The following ACOXL variants were observed in gnomAD, a reference collection of about 807,000 sequenced individuals.
ACOXL encodes acyl-coenzyme A oxidase-like protein.
ACOXL carries 70 observed loss-of-function variants against 71.9 expected under a neutral mutation model. The ratio of observed to expected loss-of-function variants is 0.97; its 90% confidence interval spans 0.80 to 1.19. The LOEUF (loss-of-function observed/expected upper bound fraction) is 1.19, where lower values mean the gene tolerates loss of function less well. ACOXL is among the 50% of genes most tolerant of loss of function. The pLI, the probability that ACOXL is intolerant of heterozygous loss-of-function variation, is 0.00. For missense variants in ACOXL, 703 were observed against 736.3 expected, an observed-to-expected ratio of 0.95 and a Z score of 0.52; for synonymous variants, 253 against 281.6, an observed-to-expected ratio of 0.90 and a Z score of 1.02.
At chr2:110,864,208 C>A (rs1694287378) in intron 10 of ACOXL, among the ~76,000 whole-genome samples, 2 of 152,184 alleles carry the variant, frequency 1.3e-5, no homozygotes, top group Non-Finnish European at 2.9e-5. Context: ...CAAATCTGTT[C>A]TTTCCCAGAG....
intron 13 of ACOXL, 45 bp from the exon 14 acceptor site, chr2:110,995,847 TG>T (rs2063373066): frequency 6.8e-7 from 1 of 1,473,268 alleles, no homozygotes; most frequent in African/African-American, 1.4e-5. Flanking sequence ...ATGAAATTCT[TG>T]GTGAGGCCAA....
At chr2:110,902,371 G>A (rs2059274533) in intron 10 of ACOXL, among the ~76,000 whole-genome samples, 1 of 152,212 alleles carries the variant, frequency 6.6e-6, no homozygotes, top group African/African-American at 2.4e-5. Flanking sequence ...TCGAGAGGCT[G>A]AGGCAGGAGA....
chr2:111,077,950 G>T (rs1291955752), intron 16 of ACOXL, among the ~76,000 whole-genome samples: 1 of 152,104 alleles, frequency 6.6e-6, no homozygotes, highest in Non-Finnish European at 1.5e-5. Context: ...CACATTTGTG[G>T]GGTTTTGCCA....
chr2:111,077,031 C>G (rs2067636859), intron 16 of ACOXL, among the ~76,000 whole-genome samples: 1 of 152,164 alleles, frequency 6.6e-6, no homozygotes, highest in African/African-American at 2.4e-5. Flanking sequence ...TTTTAAGAAT[C>G]TTAACTACAC....
At chr2:110,798,505 C>G in intron 5 of ACOXL, 105 bp from the exon 6 acceptor site, 1 of 854,844 alleles carries the variant, frequency 1.2e-6, no homozygotes, top group Admixed American at 1.8e-5. Context: ...ATCCACCCAC[C>G]TCGGCCCCCC....
chr2:110,968,365 A>G (rs2062024732), intron 12 of ACOXL: 2 of 1,147,446 alleles, frequency 1.7e-6, no homozygotes, highest in African/African-American at 3.0e-5. Context: ...TCATAGTACC[A>G]GATGATTCCC....
At chr2:110,955,429 C>CCTCTCT (rs71383893) in intron 12 of ACOXL, among the ~76,000 whole-genome samples, 21 of 141,032 alleles carry the variant, frequency 1.5e-4, no homozygotes, top group African/African-American at 5.6e-4. Flanking sequence ...AGTCCACCTC[C>CCTCTCT]CTCTCTCTCT....
chr2:110,767,535 A>G (rs542105751), intron 1 of ACOXL, among the ~76,000 whole-genome samples: 4 of 152,332 alleles, frequency 2.6e-5, no homozygotes, highest in Non-Finnish European at 5.9e-5. Flanking sequence ...GTGAGGCTCA[A>G]CCATCAGCTA....
At chr2:110,886,374 C>CTTT (rs1181424480) in intron 10 of ACOXL, among the ~76,000 whole-genome samples, 2 of 127,084 alleles carry the variant, frequency 1.6e-5, no homozygotes, top group African/African-American at 2.8e-5. Context: ...CCCTATCCTT[C>CTTT]TTTTTCTTTT....
At chr2:111,073,555 G>A (rs2067445015) in intron 16 of ACOXL, among the ~76,000 whole-genome samples, 1 of 151,954 alleles carries the variant, frequency 6.6e-6, no homozygotes, top group Non-Finnish European at 1.5e-5. Context: ...GCATCTTTGT[G>A]AAAAAATATT....
chr2:110,979,011 G>A (rs1305917972), intron 12 of ACOXL, among the ~76,000 whole-genome samples: 2 of 152,144 alleles, frequency 1.3e-5, no homozygotes. Context: ...GAGGAGGCTT[G>A]CTGGAAATGA....
intron 9 of ACOXL, among the ~76,000 whole-genome samples, chr2:110,816,485 A>G (rs1360971810): frequency 6.6e-6 from 1 of 152,168 alleles, no homozygotes; most frequent in Non-Finnish European, 1.5e-5. Context: ...GATCTTTTGG[A>G]CTTGTGCACC....
At chr2:110,971,704 T>C (rs1046677029) in intron 12 of ACOXL, among the ~76,000 whole-genome samples, 17 of 152,228 alleles carry the variant, frequency 1.1e-4, no homozygotes, top group African/African-American at 4.1e-4. Context: ...TAGCAATATC[T>C]ATAGGAGAGT....
At chr2:110,769,968 A>G (rs908901779) in intron 2 of ACOXL, among the ~76,000 whole-genome samples, 5 of 151,630 alleles carry the variant, frequency 3.3e-5, no homozygotes, top group Non-Finnish European at 5.9e-5. Context: ...TTGAGGCTCC[A>G]GAGGTCGAGG....
chr2:110,960,844 T>G (rs947321426), intron 12 of ACOXL, among the ~76,000 whole-genome samples: 3 of 152,200 alleles, frequency 2.0e-5, no homozygotes, highest in Non-Finnish European at 4.4e-5. Context: ...GCCTCAAGTG[T>G]AGAATTTAAG....
intron 10 of ACOXL, among the ~76,000 whole-genome samples, chr2:110,892,496 C>A (rs1037991196): frequency 7.2e-5 from 11 of 152,226 alleles, no homozygotes; most frequent in South Asian, 2.1e-4. Context: ...AAATGGCGCT[C>A]AACCACTGGG....
At chr2:110,766,817 T>C (rs1394836506) in intron 1 of ACOXL, among the ~76,000 whole-genome samples, 3 of 152,184 alleles carry the variant, frequency 2.0e-5, no homozygotes, top group South Asian at 2.1e-4. Context: ...CCACTAATGC[T>C]ACCCTGGCAC....
Position 110,920,105 on chromosome 2 carries a change from G to A in ACOXL, c.905+11200G>A, listed in dbSNP as rs574446890. On this transcript the variant is annotated intron_variant, in intron 11 of 17. Coordinates refer to ENST00000439055, the MANE Select transcript of ACOXL (RefSeq NM_001142807.4). ...CTTGTAAGTAGGACTGGTAGGTCAA[G>A]TGGTAAGTGTATGTTTAACTTTATA... Among the ~76,000 whole-genome samples the A allele has an allele frequency of 6.5e-4, 99 of 152,334 alleles. 2 individuals are homozygous for A. The highest frequency in any genetic ancestry group is 2.3e-3 in the African/African-American group (97 of 41,572).
At chr2:110,796,771 A>G (rs1044056406) in intron 5 of ACOXL, among the ~76,000 whole-genome samples, 7 of 152,206 alleles carry the variant, frequency 4.6e-5, no homozygotes, top group African/African-American at 1.7e-4. Flanking sequence ...CATCTCTTAA[A>G]AAGATCCAGC....
Sources: gnomAD v4.1 joint callset for allele counts (sites outside exome capture counted in the v4.1 genomes callset) on GRCh38, gnomAD v4.1.1 for gene constraint, MANE v1.5 for transcripts, NCBI Gene and HGNC (gene_info 2026-07-23, HGNC 2026-07-21) for gene names.